The following NCOA2 variants were observed in gnomAD, a reference collection of about 807,000 sequenced individuals.
The protein encoded by NCOA2 is class E basic helix-loop-helix protein 75.
A neutral mutation model predicts 145.1 loss-of-function variants in NCOA2; 21 were observed. The ratio of observed to expected loss-of-function variants is 0.14; its 90% CI spans 0.10 to 0.21. NCOA2 has a LOEUF of 0.21. Among genes scored for constraint, NCOA2 ranks in the 10% least tolerant of loss-of-function variants. NCOA2 has a pLI of 1.00. For synonymous variants in NCOA2, 619 were observed against 637.5 expected, an observed-to-expected ratio of 0.97 and a Z score of 0.44; for missense variants, 1,472 against 1,837.6, an observed-to-expected ratio of 0.80 and a Z score of 3.64.
Position 70,156,384 on chromosome 8 carries a change from A to C in NCOA2, c.1981T>G (p.Leu661Val). ...GTGGAGTCTTTGTTTGTATCCGACA[A>C]AGAGCTGGCTAAGGGCGAGGGCTCC... ...QMEPSPLASSLSDTNKDSTGS... is the reference protein window; with the variant it reads ...QMEPSPLASSVSDTNKDSTGS... The change falls in exon 11 of 23, where the codon TTG becomes GTG. Residue 661 changes from leucine to valine, a missense_variant. Coordinates refer to ENST00000452400, the MANE Select transcript of NCOA2 (RefSeq NM_006540.4). 1.2e-6 allele frequency: 2 copies of C among 1,613,942 alleles called. No individual in the cohort carries two copies. The highest frequency in any genetic ancestry group is 1.7e-6 in the Non-Finnish European group (2 of 1,179,868).
chr8:70,293,502 G>C (rs1311359760), intron 2 of NCOA2, among the ~76,000 whole-genome samples: 1 of 152,122 alleles, frequency 6.6e-6, no homozygotes, highest in Non-Finnish European at 1.5e-5. Context: ...GTGTTTTATT[G>C]TACAGTGGAG....
chr8:70,148,515 T>G (rs1481973964), intron 11 of NCOA2, 32 bp from the exon 12 acceptor site: 2 of 1,602,104 alleles, frequency 1.2e-6, no homozygotes, highest in African/African-American at 2.7e-5. Flanking sequence ...GTTTATCCAG[T>G]CTACTCTAAG....
upstream of NCOA2, among the ~76,000 whole-genome samples, chr8:70,405,437 G>GTTTTTTTTTTTTTTTTTTTTTTT (rs34814735): frequency 8.4e-5 from 5 of 59,364 alleles, 1 homozygote; most frequent in Non-Finnish European, 1.1e-4. Context: ...ATTTTTAAAG[G>GTTTTTTTTTTTTTTTTTTTTTTT]TTTTTTTTTT....
rs187287815 is a variant in NCOA2, at chr8:70,145,892, A to G, written c.2606-1044T>C. ...GTGATCCTCCTGCCTTGGCCCCCCAAAGTGCTGGGATTACAGGCATGAGCC... is the reference window on the plus strand; with the variant it reads ...GTGATCCTCCTGCCTTGGCCCCCCAGAGTGCTGGGATTACAGGCATGAGCC... On this transcript the variant is annotated intron_variant, in intron 12 of 22. Coordinates refer to ENST00000452400, the MANE Select transcript of NCOA2 (RefSeq NM_006540.4). Among the ~76,000 whole-genome samples the G allele has an allele frequency of 1.7e-3, 259 of 152,256 alleles. 2 individuals are homozygous for G. The highest frequency in any genetic ancestry group is 5.6e-3 in the African/African-American group (233 of 41,540).
At chr8:70,116,530 G>C (rs1055783231) in intron 22 of NCOA2, among the ~76,000 whole-genome samples, 1 of 151,210 alleles carries the variant, frequency 6.6e-6, no homozygotes, top group Non-Finnish European at 1.5e-5. Context: ...TAGCCTGGTC[G>C]ACACAGAGTC....
chr8:70,423,091 G>A, the NCOA2 span, among the ~76,000 whole-genome samples: 1 of 151,718 alleles, frequency 6.6e-6, no homozygotes, highest in Admixed American at 6.6e-5. Flanking sequence ...AGCTCAGTGT[G>A]TTTTCATCTC....
chr8:70,241,856 A>G (rs952275207), intron 2 of NCOA2, among the ~76,000 whole-genome samples: 1 of 152,180 alleles, frequency 6.6e-6, no homozygotes, highest in African/African-American at 2.4e-5. Context: ...CTTTAAAACT[A>G]CCGTTAATTG....
chr8:70,132,853 A>C (rs554325586), intron 15 of NCOA2, among the ~76,000 whole-genome samples: 1 of 152,326 alleles, frequency 6.6e-6, no homozygotes, highest in African/African-American at 2.4e-5. Context: ...GGCGTGAGCT[A>C]CCACACCTGG....
chr8:70,261,718 A>G (rs1824151553), intron 2 of NCOA2, among the ~76,000 whole-genome samples: 1 of 152,148 alleles, frequency 6.6e-6, no homozygotes, highest in African/African-American at 2.4e-5. Context: ...AACATAAACT[A>G]GTGAGTGAAC....
At chr8:70,132,098 C>G in intron 15 of NCOA2, 96 bp from the exon 16 acceptor site, 1 of 1,313,222 alleles carries the variant, frequency 7.6e-7, no homozygotes, top group Non-Finnish European at 1.0e-6. Context: ...AATTGACTTC[C>G]AGGGTTGTTG....
chr8:70,135,167 A>G (rs1384613097), intron 15 of NCOA2, among the ~76,000 whole-genome samples: 1 of 152,092 alleles, frequency 6.6e-6, no homozygotes, highest in African/African-American at 2.4e-5. Context: ...CAGAAAACCA[A>G]TACCTTGACA....
intron 14 of NCOA2, among the ~76,000 whole-genome samples, chr8:70,139,237 T>C (rs932981048): frequency 1.3e-5 from 2 of 152,210 alleles, no homozygotes; most frequent in East Asian, 3.8e-4. Context: ...TCTGTTGAAT[T>C]AATAGCTTTT....
At position 70,156,136 on chromosome 8, in the gene NCOA2, T is replaced by G. The variant is rs1442607193; in HGVS notation, c.2229A>C (p.Ala743=). 3 of 1,613,980 alleles carry G rather than the reference T, an allele frequency of 1.9e-6. No individual in the cohort carries two copies. The highest frequency in any genetic ancestry group is 8.5e-7 in the Non-Finnish European group (1 of 1,179,890). ...EPVSPKKKEN[A]LLRYLLDKDD... is the part of the protein sequence containing the mutation. ...CTTTATCTAGCAAATAGCGAAGTAGTGCATTCTCTTTCTTCTTGGGGCTCA... is the reference window on the plus strand; with the variant it reads ...CTTTATCTAGCAAATAGCGAAGTAGGGCATTCTCTTTCTTCTTGGGGCTCA... Residue 743 remains alanine (A), a synonymous_variant, in exon 11 of 23, where the codon GCA becomes GCC. Transcript: ENST00000452400.
intron 1 of NCOA2, among the ~76,000 whole-genome samples, chr8:70,342,000 TAA>T (rs1808183611): frequency 6.6e-6 from 1 of 152,202 alleles, no homozygotes; most frequent in Non-Finnish European, 1.5e-5. Flanking sequence ...TCTTTTCTCC[TAA>T]AAACAAACTT....
At chr8:70,424,584 G>C in the NCOA2 span, 3 of 489,802 alleles carry the variant, frequency 6.1e-6, no homozygotes, top group Admixed American at 6.3e-5. Context: ...TAAGGCAGCA[G>C]CACAAGCGGC....
At chr8:70,263,498 C>A (rs1309321092) in intron 2 of NCOA2, among the ~76,000 whole-genome samples, 2 of 151,906 alleles carry the variant, frequency 1.3e-5, no homozygotes, top group Admixed American at 1.3e-4. Flanking sequence ...ATCTTTTTCA[C>A]CAAAGTTGAT....
intron 1 of NCOA2, among the ~76,000 whole-genome samples, chr8:70,401,460 CCA>C (rs1814237342): frequency 1.3e-5 from 2 of 151,962 alleles, no homozygotes; most frequent in South Asian, 4.2e-4. Flanking sequence ...CCTTAAATAC[CCA>C]CACTTAATGT....
rs562775480 is a variant in NCOA2, at chr8:70,198,790, G to C, written c.259+15113C>G. Among the ~76,000 whole-genome samples the C allele has an allele frequency of 8.4e-4, 128 of 152,312 alleles. 1 individual carries two copies. The highest frequency in any genetic ancestry group is 3.0e-3 in the African/African-American group (124 of 41,576). On this transcript the variant is annotated intron_variant, in intron 4 of 22. Coordinates refer to ENST00000452400, the MANE Select transcript of NCOA2 (RefSeq NM_006540.4). ...GTGATCAGCGCATGGTGGTTACACA[G>C]ACTGAGATAGAGCACAGAAAAAAGG...
At chr8:70,285,374 T>G (rs113360088) in intron 2 of NCOA2, among the ~76,000 whole-genome samples, 17 of 152,322 alleles carry the variant, frequency 1.1e-4, no homozygotes, top group African/African-American at 4.1e-4. Flanking sequence ...TCAGCTAAGA[T>G]GATAACCAAG....
Sources: allele counts gnomAD v4.1 joint callset (sites outside exome capture counted in the v4.1 genomes callset), GRCh38; gene constraint gnomAD v4.1.1; transcripts MANE v1.5; gene names NCBI Gene and HGNC (gene_info 2026-07-23, HGNC 2026-07-21).